Variants in CSMD1 observed in about 807,000 individuals in gnomAD.
CSMD1 encodes CUB and sushi domain-containing protein 1.
CSMD1 carries 213 observed loss-of-function variants against 417.5 expected under a neutral mutation model. The ratio of observed to expected loss-of-function variants is 0.51; its 90% confidence interval spans 0.46 to 0.57. The LOEUF (loss-of-function observed/expected upper bound fraction) is 0.57, where lower values mean the gene tolerates loss of function less well. CSMD1 is among the 20% of genes least tolerant of loss of function. The probability of loss-of-function intolerance (pLI) is 0.00; values close to 1 mark genes in which losing one functional copy is unlikely to be tolerated. For missense variants in CSMD1, 6,923 were observed against 4,529.7 expected, an observed-to-expected ratio of 1.53 and a Z score of -15.17; for synonymous variants, 2,862 against 1,736.8, an observed-to-expected ratio of 1.65 and a Z score of -16.11.
intron 1 of CSMD1, among the ~76,000 whole-genome samples, chr8:4,732,991 C>T (rs1484378075): frequency 6.6e-6 from 1 of 151,458 alleles, no homozygotes; most frequent in African/African-American, 2.4e-5. Context: ...ATCTCTAGGG[C>T]TACGCTCCTC....
chr8:3,108,565 A>C, intron 44 of CSMD1, 38 bp downstream of exon 44: 1 of 1,606,712 alleles, frequency 6.2e-7, no homozygotes, highest in Non-Finnish European at 8.5e-7. Flanking sequence ...ACCACATGGA[A>C]TTCTCAGTCT....
At chr8:4,677,249 A>G (rs955909492) in intron 1 of CSMD1, among the ~76,000 whole-genome samples, 1 of 151,738 alleles carries the variant, frequency 6.6e-6, no homozygotes, top group African/African-American at 2.4e-5. Flanking sequence ...TTTTAGAAAT[A>G]ATTCTACTTT....
chr8:4,495,034 G>C (rs1801909417), intron 2 of CSMD1, among the ~76,000 whole-genome samples: 2 of 152,112 alleles, frequency 1.3e-5, no homozygotes, highest in African/African-American at 2.4e-5. Flanking sequence ...AGATCACTTA[G>C]AACGTGGCAG....
chr8:4,778,053 A>G (rs1173079303), intron 1 of CSMD1, among the ~76,000 whole-genome samples: 1 of 152,220 alleles, frequency 6.6e-6, no homozygotes, highest in African/African-American at 2.4e-5. Context: ...AAATTCAGAC[A>G]CATAAACACA....
chr8:3,640,334 A>C (rs1191870699), intron 7 of CSMD1, among the ~76,000 whole-genome samples: 1 of 152,366 alleles, frequency 6.6e-6, no homozygotes, highest in East Asian at 1.9e-4. Context: ...TTTATGAGAT[A>C]ATTAAATATC....
intron 3 of CSMD1, among the ~76,000 whole-genome samples, chr8:4,374,036 A>C (rs1000160353): frequency 6.6e-6 from 1 of 152,234 alleles, no homozygotes; most frequent in Non-Finnish European, 1.5e-5. Context: ...CAGTAAAAAT[A>C]CGTGATCAAA....
At chr8:3,470,186 T>G (rs955072816) in intron 11 of CSMD1, among the ~76,000 whole-genome samples, 1 of 152,214 alleles carries the variant, frequency 6.6e-6, no homozygotes, top group Non-Finnish European at 1.5e-5. Flanking sequence ...AAAGTTTTTT[T>G]GTAAATGAAA....
intron 3 of CSMD1, among the ~76,000 whole-genome samples, chr8:4,142,256 G>C (rs1036013978): frequency 3.3e-5 from 5 of 150,996 alleles, no homozygotes; most frequent in African/African-American, 9.9e-5. Flanking sequence ...ATACAACAGG[G>C]TTTTCCTTCT....
intron 1 of CSMD1, among the ~76,000 whole-genome samples, chr8:4,727,536 G>C (rs1017887187): frequency 6.6e-6 from 1 of 152,108 alleles, no homozygotes; most frequent in Non-Finnish European, 1.5e-5. Context: ...GGTGTGTTTT[G>C]CAAAGAAAAA....
In CSMD1 at chr8:3,003,616, T is replaced by C. The variant is rs143353223; in HGVS notation, c.8030-3485A>G. On this transcript the variant is annotated intron_variant, in intron 52 of 69. Transcript: ENST00000635120. ...CATGATGATTTGTTGTGGGTTGCAA[T>C]GTTCTTGGGGCTGGGGATTAAACAA... 1.7e-3 allele frequency among the ~76,000 whole-genome samples: 254 copies of C among 152,300 alleles called. 1 individual carries two copies. The highest frequency in any genetic ancestry group is 2.6e-3 in the Non-Finnish European group (179 of 68,036).
intron 14 of CSMD1, among the ~76,000 whole-genome samples, chr8:3,407,690 G>T (rs12546181): frequency 3.3e-5 from 5 of 152,176 alleles, no homozygotes; most frequent in African/African-American, 1.2e-4. Context: ...CTTAGTTTAG[G>T]AGTGATGAAG....
At chr8:4,024,865 A>T (rs1484634806) in intron 4 of CSMD1, among the ~76,000 whole-genome samples, 1 of 152,172 alleles carries the variant, frequency 6.6e-6, no homozygotes, top group Non-Finnish European at 1.5e-5. Context: ...TGTTTTCTTA[A>T]GTAAGGTTTG....
chr8:3,340,004 G>A (rs1034250435), intron 23 of CSMD1, among the ~76,000 whole-genome samples: 1 of 152,150 alleles, frequency 6.6e-6, no homozygotes, highest in Non-Finnish European at 1.5e-5. Flanking sequence ...TGCCTATTCA[G>A]CAACGTATTT....
intron 7 of CSMD1, among the ~76,000 whole-genome samples, chr8:3,676,308 G>C (rs78319077): frequency 6.6e-6 from 1 of 152,128 alleles, no homozygotes; most frequent in Non-Finnish European, 1.5e-5. Context: ...AAGTTCCTAA[G>C]CTGTATTCTT....
intron 12 of CSMD1, among the ~76,000 whole-genome samples, chr8:3,426,736 A>T (rs938970574): frequency 6.6e-6 from 1 of 152,220 alleles, no homozygotes; most frequent in Non-Finnish European, 1.5e-5. Context: ...TAGTTTACTA[A>T]AATGTAGGCC....
chr8:4,433,558 CAT>C (rs1369414484), intron 2 of CSMD1, among the ~76,000 whole-genome samples: 4 of 152,242 alleles, frequency 2.6e-5, no homozygotes, highest in Non-Finnish European at 4.4e-5. Context: ...TGGAAGCAGA[CAT>C]GTGCTGCAAC....
At chr8:4,439,344 TAAAG>T (rs1463533094) in intron 2 of CSMD1, among the ~76,000 whole-genome samples, 3 of 152,182 alleles carry the variant, frequency 2.0e-5, no homozygotes, top group East Asian at 1.9e-4. Context: ...TATTCAAAAT[TAAAG>T]AAATTGTGAG....
At chr8:3,426,567 T>C (rs1157932781) in intron 12 of CSMD1, among the ~76,000 whole-genome samples, 1 of 152,218 alleles carries the variant, frequency 6.6e-6, no homozygotes, top group Non-Finnish European at 1.5e-5. Flanking sequence ...CCAGGACAGA[T>C]GAAGATACAA....
intron 5 of CSMD1, among the ~76,000 whole-genome samples, chr8:3,965,472 G>C (rs765994748): frequency 6.6e-6 from 1 of 152,154 alleles, no homozygotes; most frequent in Non-Finnish European, 1.5e-5. Flanking sequence ...TGTTTGAGTA[G>C]ACGATATCAC....
Sources: gnomAD v4.1 joint callset for allele counts (sites outside exome capture counted in the v4.1 genomes callset) on GRCh38, gnomAD v4.1.1 for gene constraint, MANE v1.5 for transcripts, NCBI Gene and HGNC (gene_info 2026-07-23, HGNC 2026-07-21) for gene names.